Variants in CWC27 observed in about 807,000 individuals in gnomAD.
CWC27 encodes the protein spliceosome-associated protein CWC27 homolog.
A neutral mutation model predicts 63.6 loss-of-function variants in CWC27; 47 were observed. That is an observed-to-expected ratio of 0.74 (90% CI 0.58 to 0.94). The LOEUF (loss-of-function observed/expected upper bound fraction) is 0.94, where lower values mean the gene tolerates loss of function less well. Among genes scored for constraint, CWC27 ranks in the 40% least tolerant of loss-of-function variants. The pLI, the probability that CWC27 is intolerant of heterozygous loss-of-function variation, is 0.00. For missense variants in CWC27, 495 were observed against 554.3 expected (o/e 0.89, Z 1.07); for synonymous variants, 175 against 179.8 (o/e 0.97, Z 0.22).
At chr5:64,969,522 CCTT>C (rs1432650386) in intron 11 of CWC27, among the ~76,000 whole-genome samples, 3 of 152,106 alleles carry the variant, frequency 2.0e-5, no homozygotes, top group African/African-American at 7.2e-5. Flanking sequence ...TTACCCTACA[CCTT>C]CTTATTTTCC....
intron 11 of CWC27, among the ~76,000 whole-genome samples, chr5:64,911,763 T>C (rs959885103): frequency 3.3e-5 from 5 of 152,134 alleles, no homozygotes; most frequent in African/African-American, 1.2e-4. Flanking sequence ...TTTTCTCTAG[T>C]AGTAAAGGTT....
At chr5:64,968,493 C>T (rs915236351) in intron 11 of CWC27, among the ~76,000 whole-genome samples, 1 of 152,094 alleles carries the variant, frequency 6.6e-6, no homozygotes, top group Admixed American at 6.5e-5. Flanking sequence ...TCAGAATAAA[C>T]AAGTTAGAGT....
At chr5:64,778,039 A>G (rs6895768) in intron 2 of CWC27, among the ~76,000 whole-genome samples, 82,122 of 152,064 alleles carry the variant, frequency 0.54, 22,731 homozygotes, top group East Asian at 0.85. Context: ...AGCCAGCATC[A>G]CTGAAATACT....
At chr5:64,983,882 G>A (rs1010321791) in intron 13 of CWC27, among the ~76,000 whole-genome samples, 1 of 152,172 alleles carries the variant, frequency 6.6e-6, no homozygotes, top group African/African-American at 2.4e-5. Context: ...CCAGGCTGGA[G>A]TCCACTGACA....
rs36083384 is a variant in CWC27 at position 64,924,956 on chromosome 5, G to GACACACAC, written c.1042+39435_1042+39442dup. On this transcript the variant is annotated intron_variant, in intron 11 of 13. Transcript: ENST00000381070. ...ACTCTTTCCCTCTCTGTCTTTCTTA[G>GACACACAC]ACACACACACACACACACACACACA... Among the ~76,000 whole-genome samples the GACACACAC allele has an allele frequency of 7.1e-3, 1,030 of 145,540 alleles. 13 individuals carry two copies. The highest frequency in any genetic ancestry group is 0.025 in the African/African-American group (981 of 39,810).
At chr5:65,004,566 C>T (rs1035789216) in intron 13 of CWC27, among the ~76,000 whole-genome samples, 2 of 132,680 alleles carry the variant, frequency 1.5e-5, no homozygotes, top group Admixed American at 1.4e-4. Flanking sequence ...ATATCTATCT[C>T]GTTGAATTTT....
intron 10 of CWC27, among the ~76,000 whole-genome samples, chr5:64,806,285 A>G (rs1744667444): frequency 6.6e-6 from 1 of 152,216 alleles, no homozygotes; most frequent in Non-Finnish European, 1.5e-5. Context: ...TAAGAAAATT[A>G]AATAAATTTA....
At chr5:64,874,345 A>G (rs1746744793) in intron 10 of CWC27, among the ~76,000 whole-genome samples, 1 of 151,156 alleles carries the variant, frequency 6.6e-6, no homozygotes, top group Admixed American at 6.6e-5. Context: ...TATTTTTAGT[A>G]GAGATGGGGC....
chr5:64,858,876 C>A (rs1746327898), intron 10 of CWC27, among the ~76,000 whole-genome samples: 1 of 152,112 alleles, frequency 6.6e-6, no homozygotes, highest in South Asian at 2.1e-4. Flanking sequence ...ACCCATCATG[C>A]CCAGATATTT....
chr5:64,904,171 A>G (rs755782698), intron 11 of CWC27, among the ~76,000 whole-genome samples: 67 of 152,308 alleles, frequency 4.4e-4, no homozygotes, highest in Non-Finnish European at 8.2e-4. Context: ...TCTGCCCACT[A>G]CAAGGTTTCA....
intron 13 of CWC27, among the ~76,000 whole-genome samples, chr5:65,003,222 T>C (rs1209476643): frequency 1.3e-5 from 2 of 152,248 alleles, no homozygotes; most frequent in Non-Finnish European, 2.9e-5. Context: ...TGCTGGGTCA[T>C]TTTTAAATCT....
chr5:65,004,378 CTTT>C (rs70983659), intron 13 of CWC27, among the ~76,000 whole-genome samples: 134 of 79,534 alleles, frequency 1.7e-3, no homozygotes, highest in African/African-American at 6.2e-3. Flanking sequence ...GTTGTATAGG[CTTT>C]TTTTTTTTTT....
intron 11 of CWC27, among the ~76,000 whole-genome samples, chr5:64,907,852 A>AT (rs200388562): frequency 0.095 from 14,408 of 151,964 alleles, 2,085 homozygotes; most frequent in African/African-American, 0.31. Context: ...GGATTCATTG[A>AT]TTTTTTGAAG....
chr5:64,804,409 T>A (rs760170656), intron 10 of CWC27, 23 bp downstream of exon 10: 10 of 1,556,284 alleles, frequency 6.4e-6, no homozygotes, highest in Admixed American at 2.0e-5. Flanking sequence ...CTGTGCTAGA[T>A]ATCAGAGTTT....
At chr5:64,840,390 AAAAAATATAT>A (rs1243540811) in intron 10 of CWC27, among the ~76,000 whole-genome samples, 5 of 29,824 alleles carry the variant, frequency 1.7e-4, no homozygotes, top group Non-Finnish European at 3.2e-4. Context: ...AAAAAAAAAA[AAAAAATATAT>A]ATATATATAT....
At chr5:64,939,421 G>A (rs1748424933) in intron 11 of CWC27, among the ~76,000 whole-genome samples, 1 of 152,238 alleles carries the variant, frequency 6.6e-6, no homozygotes, top group Non-Finnish European at 1.5e-5. Context: ...TCCAGATCCT[G>A]TTTGCCTAGT....
chr5:64,882,944 T>TA (rs1746980617), intron 10 of CWC27, among the ~76,000 whole-genome samples: 1 of 152,190 alleles, frequency 6.6e-6, no homozygotes, highest in Non-Finnish European at 1.5e-5. Context: ...ATTGTATGTG[T>TA]ATTAGTCTGT....
chr5:64,964,192 T>A (rs184900431), intron 11 of CWC27, among the ~76,000 whole-genome samples: 3 of 152,278 alleles, frequency 2.0e-5, no homozygotes, highest in Non-Finnish European at 2.9e-5. Flanking sequence ...ACAGAAAAAA[T>A]TACCAAATCA....
At chr5:64,945,547 T>A (rs1748576617) in intron 11 of CWC27, among the ~76,000 whole-genome samples, 1 of 152,342 alleles carries the variant, frequency 6.6e-6, no homozygotes, top group Non-Finnish European at 1.5e-5. Flanking sequence ...AGTTCATACT[T>A]GTGAAAAACT....
Sources: allele counts gnomAD v4.1 joint callset (sites outside exome capture counted in the v4.1 genomes callset), GRCh38; gene constraint gnomAD v4.1.1; transcripts MANE v1.5; gene names NCBI Gene and HGNC (gene_info 2026-07-23, HGNC 2026-07-21).